RAPGEF6: variants seen among roughly 807,000 people sequenced by gnomAD.
RAPGEF6 encodes Rap guanine nucleotide exchange factor 6.
A neutral mutation model predicts 171.4 loss-of-function variants in RAPGEF6; 56 were observed. That is an observed-to-expected ratio of 0.33 (90% CI 0.26 to 0.41). The LOEUF is 0.41. Among genes scored for constraint, RAPGEF6 ranks in the 10% least tolerant of loss-of-function variants. RAPGEF6 has a pLI of 1.00. For synonymous variants in RAPGEF6, 692 were observed against 650.1 expected, an observed-to-expected ratio of 1.06 and a Z score of -0.98; for missense variants, 1,674 against 1,921.4, an observed-to-expected ratio of 0.87 and a Z score of 2.41.
At chr5:131,572,084 A>C (rs1231735612) in intron 4 of RAPGEF6, among the ~76,000 whole-genome samples, 1 of 152,132 alleles carries the variant, frequency 6.6e-6, no homozygotes, top group Non-Finnish European at 1.5e-5. Flanking sequence ...GACTCAGCCC[A>C]CTTGAACCCA....
Position 131,458,521 on chromosome 5 carries a change from G to T in RAPGEF6, c.2865-2509C>A, listed in dbSNP as rs539811691. On this transcript the variant is annotated intron_variant, in intron 19 of 27. Transcript: ENST00000509018. ...AACAGACTAATAAAACAACTCCACA[G>T]AGGAAATAAAAGAAAACTGAAACAA... Among the ~76,000 whole-genome samples the T allele has an allele frequency of 3.9e-4, 60 of 152,306 alleles. 1 individual carries two copies. The South Asian group carries it at 0.012, about 32-fold the overall frequency.
At chr5:131,545,538 A>C (rs769526806) in intron 6 of RAPGEF6, among the ~76,000 whole-genome samples, 1 of 152,196 alleles carries the variant, frequency 6.6e-6, no homozygotes, top group Non-Finnish European at 1.5e-5. Flanking sequence ...CCATTAAACC[A>C]ATTCTCTACT....
intron 6 of RAPGEF6, 66 bp downstream of exon 6, chr5:131,547,981 T>C (rs1760661137): frequency 6.5e-7 from 1 of 1,531,404 alleles, no homozygotes; most frequent in Admixed American, 1.9e-5. Flanking sequence ...CAAAGATACA[T>C]GTAAATTAAA....
chr5:131,584,656 G>C (rs979137445), intron 4 of RAPGEF6, among the ~76,000 whole-genome samples: 1 of 152,150 alleles, frequency 6.6e-6, no homozygotes, highest in East Asian at 1.9e-4. Flanking sequence ...GGCCTATTGA[G>C]ATGTCTTTTC....
intron 20 of RAPGEF6, among the ~76,000 whole-genome samples, chr5:131,455,549 C>T (rs912656383): frequency 8.5e-5 from 13 of 152,190 alleles, no homozygotes; most frequent in Admixed American, 4.6e-4. Context: ...TGAGCCACCG[C>T]GTCCAGCTGA....
intron 4 of RAPGEF6, among the ~76,000 whole-genome samples, chr5:131,576,017 G>T (rs747321301): frequency 6.6e-6 from 1 of 151,958 alleles, no homozygotes; most frequent in Non-Finnish European, 1.5e-5. Flanking sequence ...CTTTCTGCCC[G>T]ACTCCTTCAA....
intron 6 of RAPGEF6, among the ~76,000 whole-genome samples, chr5:131,538,373 C>T (rs1580991599): frequency 6.6e-6 from 1 of 152,248 alleles, no homozygotes; most frequent in East Asian, 1.9e-4. Context: ...GCCTATGGTT[C>T]CCAGGCTATG....
intron 6 of RAPGEF6, among the ~76,000 whole-genome samples, chr5:131,545,486 T>C (rs1760461178): frequency 6.6e-6 from 1 of 152,118 alleles, no homozygotes; most frequent in Non-Finnish European, 1.5e-5. Context: ...TCTCTCTGAA[T>C]TGCTGACAAT....
At chr5:131,603,456 C>A (rs1389549126) in intron 2 of RAPGEF6, 129 bp from the exon 3 acceptor site, 1 of 611,468 alleles carries the variant, frequency 1.6e-6, no homozygotes, top group Non-Finnish European at 2.9e-6. Flanking sequence ...TATGTTGTCA[C>A]TAAACTACAG....
chr5:131,586,291 C>T, intron 4 of RAPGEF6, among the ~76,000 whole-genome samples: 1 of 152,154 alleles, frequency 6.6e-6, no homozygotes, highest in East Asian at 1.9e-4. Context: ...AAAATTTCTA[C>T]ATCTCAAAAA....
rs925691425 is a variant in RAPGEF6, at chr5:131,516,183, G to C, written c.627+5207C>G. Among the ~76,000 whole-genome samples the C allele has an allele frequency of 2.0e-5, 3 of 149,574 alleles. No homozygotes were observed. In the South Asian group the frequency reaches 6.3e-4, roughly 32 times the overall value. ...GGCTCACTGCACCTCTGCCTCCTGGGTTCAAGCGATTCTCTTGCCTCAGCC... is the reference window on the plus strand; with the variant it reads ...GGCTCACTGCACCTCTGCCTCCTGGCTTCAAGCGATTCTCTTGCCTCAGCC... On this transcript the variant is annotated intron_variant, in intron 7 of 27. Coordinates refer to ENST00000509018, the MANE Select transcript of RAPGEF6 (RefSeq NM_016340.6).
At chr5:131,495,205 G>C (rs1410041690) in intron 13 of RAPGEF6, among the ~76,000 whole-genome samples, 1 of 151,774 alleles carries the variant, frequency 6.6e-6, no homozygotes, top group Non-Finnish European at 1.5e-5. Flanking sequence ...AGGTAGGAGA[G>C]AATTGCTTGA....
rs1752444195 is a variant in RAPGEF6 at position 131,442,410 on chromosome 5, C to A, written c.3549G>T (p.Gln1183His). ...HQPHRVSQVL[Q>H]VPAVNLHPIR... is the part of the protein sequence containing the mutation. ...TGGGGTGCAAATTAACAGCTGGCAC[C>A]TGAAGCACCTGGCTTACTCTGTGGG... Residue 1183 changes from glutamine to histidine, a missense_variant, in exon 23 of 28, where the codon CAG becomes CAT. By Grantham distance (24) the Gln-to-His change is conservative (BLOSUM62 0). Around this residue, in one of 3 missense-constraint regions of RAPGEF6, gnomAD observed 552 missense variants for 574.2 expected, o/e 0.96. Transcript: ENST00000509018. 1 of 1,614,118 alleles carries A rather than the reference C, an allele frequency of 6.2e-7. No homozygotes were observed.
At chr5:131,604,199 T>G (rs1764413196) in intron 2 of RAPGEF6, among the ~76,000 whole-genome samples, 1 of 152,222 alleles carries the variant, frequency 6.6e-6, no homozygotes, top group Non-Finnish European at 1.5e-5. Context: ...ATAATAAATA[T>G]CAACACAAAC....
intron 7 of RAPGEF6, among the ~76,000 whole-genome samples, chr5:131,514,355 C>T (rs1757936860): frequency 6.6e-6 from 1 of 152,126 alleles, no homozygotes; most frequent in South Asian, 2.1e-4. Context: ...CAAGAAGTCA[C>T]TGCATGATAC....
At chr5:131,523,836 C>G (rs1487137092) in intron 6 of RAPGEF6, among the ~76,000 whole-genome samples, 3 of 151,938 alleles carry the variant, frequency 2.0e-5, no homozygotes, top group Non-Finnish European at 4.4e-5. Flanking sequence ...AACAAACAAT[C>G]CCCCCATACC....
Position 131,495,554 on chromosome 5 carries a change from G to T in RAPGEF6, c.1526C>A (p.Thr509Lys). 1 of 1,612,122 alleles carries T rather than the reference G, an allele frequency of 6.2e-7. No individual in the cohort carries two copies. Among genetic ancestry groups the T allele is most frequent in the Non-Finnish European group, 8.5e-7 (1 of 1,178,400 alleles). ...LEEFEKNLED[T>K]KMNGHLRLLN... ...AATAGAAATTATTTTGAGCCTTACTGTATCTTCCAGATTTTTTTCAAATTC... is the reference window on the plus strand; with the variant it reads ...AATAGAAATTATTTTGAGCCTTACTTTATCTTCCAGATTTTTTTCAAATTC... Residue 509 changes from threonine (T) to lysine (K), a missense_variant and splice_region_variant, in exon 13 of 28, where the codon ACA (threonine) becomes AAA (lysine). By Grantham distance (78) the Thr-to-Lys change is moderately conservative. This residue lies in a region of RAPGEF6 where 1,116 missense variants were observed against 1,321.5 expected (regional missense o/e 0.84). Transcript: ENST00000509018.
At chr5:131,539,641 G>A (rs1434211361) in intron 6 of RAPGEF6, among the ~76,000 whole-genome samples, 4 of 152,060 alleles carry the variant, frequency 2.6e-5, no homozygotes, top group South Asian at 2.1e-4. Context: ...TCACACCCAT[G>A]GTCAAGTAAA....
At chr5:131,473,083 A>G (rs1754861291) in intron 16 of RAPGEF6, among the ~76,000 whole-genome samples, 1 of 152,230 alleles carries the variant, frequency 6.6e-6, no homozygotes, top group Non-Finnish European at 1.5e-5. Flanking sequence ...ACACTAATAC[A>G]TGTATCCAAA....
Sources: gnomAD v4.1 joint callset for allele counts (sites outside exome capture counted in the v4.1 genomes callset) on GRCh38, gnomAD v4.1.1 for gene constraint, gnomAD v4.1.1 regional missense constraint, MANE v1.5 for transcripts, NCBI Gene and HGNC (gene_info 2026-07-23, HGNC 2026-07-21) for gene names.